The following MCF2L2 variants were observed in gnomAD, a reference collection of about 807,000 sequenced individuals.
The protein encoded by MCF2L2 is MCF.2 cell line derived transforming sequence-like 2, also known as probable guanine nucleotide exchange factor MCF2L2.
MCF2L2 carries 102 observed loss-of-function variants against 150.2 expected under a neutral mutation model. The ratio of observed to expected loss-of-function variants is 0.68; its 90% CI spans 0.58 to 0.80. The LOEUF (loss-of-function observed/expected upper bound fraction) is 0.80. MCF2L2 is among the 30% of genes least tolerant of loss of function. The pLI is 0.00. For synonymous variants in MCF2L2, 465 were observed against 491.3 expected (o/e 0.95, Z 0.71); for missense variants, 1,256 against 1,372.8 (o/e 0.91, Z 1.34).
chr3:183,428,018 A>C lies in MCF2L2; in HGVS notation c.-41T>G. 1.4e-6 allele frequency: 2 copies of C among 1,451,510 alleles called. No homozygotes were observed. The highest frequency in any genetic ancestry group is 1.9e-6 in the Non-Finnish European group (2 of 1,032,384). The allele number at this position is 1,451,510 out of a possible 1,614,324, so 89.9% of individuals were successfully genotyped here. On this transcript the variant is annotated 5_prime_UTR_variant, in exon 1 of 30. Transcript: ENST00000328913. This position sits in a 1 kb window ranked among gnomAD's most constrained non-coding sequence, Gnocchi z 5.1. ...TTCCGTATAAATAAAGCCAAACAAA[A>C]CTGTTTCTACCGCTGCGGTGGATGA...
intron 1 of MCF2L2, among the ~76,000 whole-genome samples, chr3:183,396,779 G>T (rs1282466358): frequency 6.6e-6 from 1 of 152,024 alleles, no homozygotes; most frequent in Non-Finnish European, 1.5e-5. Context: ...CAATAATATG[G>T]AATAGTATGA....
At chr3:183,297,394 G>T (rs192466745) in intron 11 of MCF2L2, 95 of 486,470 alleles carry the variant, frequency 2.0e-4, no homozygotes, top group Non-Finnish European at 2.9e-4. Context: ...AAGTCACTCG[G>T]TCAGCAAAAT....
intron 15 of MCF2L2, among the ~76,000 whole-genome samples, chr3:183,245,238 C>T (rs893177177): frequency 1.3e-5 from 2 of 152,296 alleles, no homozygotes; most frequent in Admixed American, 6.5e-5. Context: ...TAATGTGTAA[C>T]TGGAGTGCCA....
intron 15 of MCF2L2, among the ~76,000 whole-genome samples, chr3:183,274,108 G>A (rs531721123): frequency 4.6e-5 from 7 of 151,972 alleles, no homozygotes; most frequent in African/African-American, 7.3e-5. Context: ...CCAACTACTC[G>A]GGAGGCTGAG....
At chr3:183,323,083 C>T (rs756368581) in intron 6 of MCF2L2, 152 bp downstream of exon 6, 2 of 546,528 alleles carry the variant, frequency 3.7e-6, no homozygotes, top group African/African-American at 1.9e-5. Context: ...CTTCCACACT[C>T]CTTCTTCCCC....
intron 5 of MCF2L2, among the ~76,000 whole-genome samples, chr3:183,327,676 A>C (rs1730107306): frequency 6.6e-6 from 1 of 152,220 alleles, no homozygotes; most frequent in Non-Finnish European, 1.5e-5. Flanking sequence ...TCCTGAATAA[A>C]TATTTTCTTT....
chr3:183,197,054 A>G lies in MCF2L2; in HGVS notation c.2885-1799T>C, dbSNP rs759753615. 1.3e-5 allele frequency among the ~76,000 whole-genome samples: 2 copies of G among 152,220 alleles called. No individual in the cohort carries two copies. On this transcript the variant is annotated intron_variant, in intron 25 of 29. Transcript: ENST00000328913. This position sits in a 1 kb window ranked among gnomAD's most constrained non-coding sequence, Gnocchi z 4.5. The stretch of plus-strand genomic sequence containing the variant: ...TATTGTTAAGAAGTCAATTCTCACC[A>G]AATTGTTCTAGAGATTTTACATAAT...
intron 3 of MCF2L2, among the ~76,000 whole-genome samples, chr3:183,346,758 T>G (rs191926651): frequency 2.0e-5 from 3 of 152,040 alleles, no homozygotes; most frequent in Non-Finnish European, 2.9e-5. Context: ...GCATTTCTAT[T>G]CACCAACAAT....
At chr3:183,273,617 TGG>T (rs1726974886) in intron 15 of MCF2L2, among the ~76,000 whole-genome samples, 1 of 152,236 alleles carries the variant, frequency 6.6e-6, no homozygotes. Context: ...CGGTTAACGA[TGG>T]ATCACATATA....
At chr3:183,411,518 G>C (rs16857445) in intron 1 of MCF2L2, among the ~76,000 whole-genome samples, 9,299 of 151,948 alleles carry the variant, frequency 0.061, 529 homozygotes, top group African/African-American at 0.15. Flanking sequence ...GGACCATTTC[G>C]ATTTTGATCC....
At chr3:183,186,183 T>TGGGC (rs1339113945) in intron 27 of MCF2L2, among the ~76,000 whole-genome samples, 1 of 152,154 alleles carries the variant, frequency 6.6e-6, no homozygotes, top group Admixed American at 6.6e-5. Context: ...TCATCAGAAT[T>TGGGC]TTAATGGAAA....
At chr3:183,246,797 C>T (rs1283248478) in intron 15 of MCF2L2, among the ~76,000 whole-genome samples, 1 of 152,114 alleles carries the variant, frequency 6.6e-6, no homozygotes, top group Admixed American at 6.5e-5. Flanking sequence ...TTTTATATTG[C>T]CAACAGTGCA....
chr3:183,272,703 A>C, intron 15 of MCF2L2: 2 of 1,015,936 alleles, frequency 2.0e-6, no homozygotes, highest in Non-Finnish European at 1.2e-6. Context: ...AGAGAACAAA[A>C]GCATATTTGA....
rs910501603 is a variant in MCF2L2, at chr3:183,270,449, C to T, written c.1862+6423G>A. On this transcript the variant is annotated intron_variant, in intron 15 of 29. Coordinates refer to ENST00000328913, the MANE Select transcript of MCF2L2 (RefSeq NM_015078.4). The surrounding 1 kb of genome is among the most constrained non-coding windows in gnomAD (Gnocchi z 4.5). ...GTTTAGAACAAATTGGTGTTCAAGA[C>T]TTTTGGATTGGTCGTGTTCATCGTG... 33 of 1,614,064 alleles carry T rather than the reference C, an allele frequency of 2.0e-5. No homozygotes were observed. The highest frequency in any genetic ancestry group is 2.6e-5 in the Non-Finnish European group (31 of 1,180,034).
chr3:183,276,469 G>A (rs1299254246), intron 15 of MCF2L2, among the ~76,000 whole-genome samples: 1 of 152,124 alleles, frequency 6.6e-6, no homozygotes, highest in African/African-American at 2.4e-5. Context: ...CTTTCTAAAT[G>A]GCACAGCATT....
chr3:183,228,028 T>TACATATACACACACACACACACACAC (rs1553884503), intron 18 of MCF2L2: 6 of 232,474 alleles, frequency 2.6e-5, no homozygotes, highest in African/African-American at 1.3e-4. Flanking sequence ...TATATACATA[T>TACATATACACACACACACACACACAC]ACACACACAC....
At position 183,295,415 on chromosome 3, in the gene MCF2L2, T is replaced by C; in HGVS notation, c.1560A>G (p.Gln520=). 1 of 1,614,126 alleles carries C rather than the reference T, an allele frequency of 6.2e-7. No individual in the cohort carries two copies. The highest frequency in any genetic ancestry group is 8.5e-7 in the Non-Finnish European group (1 of 1,179,994). Reference sequence around the variant, plus strand: ...TGGCTGCCAGTTTCATCAGACTCACTTGCCTCTTGTGAAATATTTCCTGGA... The same window carrying C: ...TGGCTGCCAGTTTCATCAGACTCACCTGCCTCTTGTGAAATATTTCCTGGA... ...DDVQEIFHKR[Q]VSLMKLAAKQ... is the part of the protein sequence containing the mutation. Residue 520 remains glutamine, a synonymous_variant, in exon 13 of 30, where the codon CAA becomes CAG. Transcript: ENST00000328913.
At chr3:183,266,316 C>T (rs2108434789) in intron 15 of MCF2L2, among the ~76,000 whole-genome samples, 1 of 152,334 alleles carries the variant, frequency 6.6e-6, no homozygotes, top group East Asian at 1.9e-4. Flanking sequence ...CAGGAATAGG[C>T]AGCTGGTTTT....
chr3:183,259,005 G>T (rs79672014), intron 15 of MCF2L2, among the ~76,000 whole-genome samples: 2,586 of 152,246 alleles, frequency 0.017, 69 homozygotes, highest in African/African-American at 0.059. Flanking sequence ...AAATGTGCAT[G>T]TTCAGTACAG....
Sources: gnomAD v4.1 joint callset for allele counts (sites outside exome capture counted in the v4.1 genomes callset) on GRCh38, gnomAD v4.1.1 for gene constraint, Gnocchi (gnomAD v3.1) non-coding constraint, MANE v1.5 for transcripts, NCBI Gene and HGNC (gene_info 2026-07-23, HGNC 2026-07-21) for gene names.